GABRA3: variants seen among roughly 807,000 people sequenced by gnomAD.
The protein encoded by GABRA3 is gamma-aminobutyric acid type A receptor subunit alpha3, also known as gamma-aminobutyric acid receptor subunit alpha-3.
Under a neutral mutation model 30.1 loss-of-function variants are expected in GABRA3, and 10 were observed. The observed-to-expected ratio is 0.33, with a 90% CI of 0.20 to 0.56. GABRA3 has a LOEUF of 0.56. Ranked by LOEUF, GABRA3 falls within the 20% of genes least tolerant of loss-of-function variation. The pLI, the probability that GABRA3 is intolerant of heterozygous loss-of-function variation, is 0.89. For missense variants in GABRA3, 233 were observed against 392.0 expected, an observed-to-expected ratio of 0.59 and a Z score of 3.42; for synonymous variants, 151 against 146.8, an observed-to-expected ratio of 1.03 and a Z score of -0.21.
chrX:152,203,244 T>G (rs941881968), intron 7 of GABRA3, among the ~76,000 whole-genome samples: 3 of 112,020 alleles, frequency 2.7e-5, no homozygotes, highest in Non-Finnish European at 3.8e-5. Context: ...TCAGTGTGTT[T>G]ACTCTCCCAG....
At chrX:152,290,489 T>C (rs766113367) in intron 3 of GABRA3, among the ~76,000 whole-genome samples, 40 of 112,160 alleles carry the variant, frequency 3.6e-4, no homozygotes, top group African/African-American at 1.3e-3. Flanking sequence ...TGATAGTTTC[T>C]TTTGCTGTGC....
At chrX:152,341,652 G>A (rs182416275) in intron 3 of GABRA3, among the ~76,000 whole-genome samples, 3 of 102,785 alleles carry the variant, frequency 2.9e-5, no homozygotes, top group African/African-American at 1.1e-4. Flanking sequence ...CCATTCTCCT[G>A]CCTCAGCCTC....
chrX:152,274,843 C>T (rs1939014167), intron 4 of GABRA3, among the ~76,000 whole-genome samples: 1 of 107,495 alleles, frequency 9.3e-6, no homozygotes, highest in African/African-American at 3.4e-5. Context: ...ATAAATAATA[C>T]AGATGATGAA....
chrX:152,396,640 C>A, intron 1 of GABRA3, among the ~76,000 whole-genome samples: 1 of 111,886 alleles, frequency 8.9e-6, no homozygotes, highest in Admixed American at 9.5e-5. Context: ...TGACTATAGT[C>A]AACATTGTAC....
At chrX:152,199,853 CAT>C (rs1491077218) in intron 7 of GABRA3, among the ~76,000 whole-genome samples, 2 of 110,394 alleles carry the variant, frequency 1.8e-5, no homozygotes, top group African/African-American at 6.6e-5. Flanking sequence ...CACACACACA[CAT>C]AACACACACA....
At chrX:152,439,258 G>A (rs77153987) in intron 1 of GABRA3, among the ~76,000 whole-genome samples, 5,021 of 110,108 alleles carry the variant, frequency 0.046, 197 homozygotes, top group African/African-American at 0.12. Flanking sequence ...TCAGTCTCCC[G>A]AGTAGCTGAG....
chrX:152,354,844 T>C (rs1940526146), intron 2 of GABRA3, among the ~76,000 whole-genome samples: 1 of 111,282 alleles, frequency 9.0e-6, no homozygotes, highest in South Asian at 3.8e-4. Flanking sequence ...AGGTCCCAAG[T>C]CTGGTTCTGA....
At chrX:152,183,472 C>A (rs5970222) in intron 9 of GABRA3, among the ~76,000 whole-genome samples, 1 of 96,888 alleles carries the variant, frequency 1.0e-5, no homozygotes, top group African/African-American at 3.9e-5. Context: ...AAAGGTTTGT[C>A]TATTTTGTTT....
intron 1 of GABRA3, among the ~76,000 whole-genome samples, chrX:152,401,035 C>T (rs980776972): frequency 2.7e-5 from 3 of 111,396 alleles, no homozygotes; most frequent in Non-Finnish European, 3.8e-5. Context: ...TAATGTAGCC[C>T]TTACAATATT....
chrX:152,371,181 G>A lies in GABRA3; in HGVS notation c.-26-6585C>T, dbSNP rs974227273. 5.4e-5 allele frequency among the ~76,000 whole-genome samples: 6 copies of A among 110,738 alleles called. No homozygotes were observed. In the South Asian group the frequency reaches 1.2e-3, roughly 21 times the overall value. On this transcript the variant is annotated intron_variant, in intron 1 of 9. Coordinates refer to ENST00000370314, the MANE Select transcript of GABRA3 (RefSeq NM_000808.4). ...TCTTCAACATACTTCAATGTCCCAC[G>A]ATCCTTTTGCACTTGCCAAACCAAT...
intron 2 of GABRA3, among the ~76,000 whole-genome samples, chrX:152,357,037 G>C (rs7061691): frequency 0.11 from 12,085 of 111,355 alleles, 527 homozygotes; most frequent in South Asian, 0.13. Flanking sequence ...ATTATGAAGA[G>C]TGCTGCAATG....
At chrX:152,439,215 C>T (rs952585761) in intron 1 of GABRA3, among the ~76,000 whole-genome samples, 2 of 110,839 alleles carry the variant, frequency 1.8e-5, no homozygotes, top group Non-Finnish European at 3.8e-5. Context: ...GCAAACTCCA[C>T]CTCCCAGTTT....
intron 3 of GABRA3, among the ~76,000 whole-genome samples, chrX:152,331,674 A>C (rs923892281): frequency 9.0e-6 from 1 of 111,565 alleles, no homozygotes; most frequent in Non-Finnish European, 1.9e-5. Flanking sequence ...CAAACTGAAG[A>C]ATGAAGGAGG....
intron 1 of GABRA3, among the ~76,000 whole-genome samples, chrX:152,444,730 G>GTGTT (rs1556797680): frequency 1.9e-4 from 1 of 5,185 alleles, no homozygotes; most frequent in East Asian, 8.5e-3. Flanking sequence ...TATAATACTT[G>GTGTT]TGTGTTTTTT....
At chrX:152,200,589 C>T (rs765369159) in intron 7 of GABRA3, among the ~76,000 whole-genome samples, 45 of 110,327 alleles carry the variant, frequency 4.1e-4, no homozygotes, top group South Asian at 2.3e-3. Context: ...ACTCTCTCCC[C>T]ACTGAGAAGG....
At chrX:152,406,438 A>G (rs1250856252) in intron 1 of GABRA3, among the ~76,000 whole-genome samples, 1 of 108,398 alleles carries the variant, frequency 9.2e-6, no homozygotes, top group African/African-American at 3.3e-5. Context: ...TAGCTATCTT[A>G]TATCAGATAA....
intron 1 of GABRA3, among the ~76,000 whole-genome samples, chrX:152,370,968 G>A (rs1467618013): frequency 9.1e-6 from 1 of 110,169 alleles, no homozygotes; most frequent in African/African-American, 3.3e-5. Context: ...AACATACATA[G>A]TCCATAATTA....
At position 152,449,515 on chromosome X, in the gene GABRA3, A is replaced by T. The variant is rs764543461; in HGVS notation, c.-27+1631T>A. 4.5e-5 allele frequency among the ~76,000 whole-genome samples: 5 copies of T among 111,949 alleles called. No homozygotes were observed. In the East Asian group the frequency reaches 1.4e-3, roughly 31 times the overall value. On this transcript the variant is annotated intron_variant, in intron 1 of 9. Transcript: ENST00000370314. ...TGGAGCATGTTGGGTGGATGAGGCT[A>T]TAAAAAGTGAAGTACGATTTTCAAG...
At chrX:152,414,367 T>G (rs1247020801) in intron 1 of GABRA3, among the ~76,000 whole-genome samples, 1 of 111,657 alleles carries the variant, frequency 9.0e-6, no homozygotes, top group Admixed American at 9.5e-5. Context: ...AAGATCATCA[T>G]GCTTAGTCAA....
Sources: gnomAD v4.1 joint callset for allele counts (sites outside exome capture counted in the v4.1 genomes callset) on GRCh38, gnomAD v4.1.1 for gene constraint, MANE v1.5 for transcripts, NCBI Gene and HGNC (gene_info 2026-07-23, HGNC 2026-07-21) for gene names.